CDH12: variants seen among roughly 807,000 people sequenced by gnomAD.
The protein encoded by CDH12 is cadherin 12.
A neutral mutation model predicts 74.1 loss-of-function variants in CDH12; 41 were observed. The ratio of observed to expected loss-of-function variants is 0.55; its 90% CI spans 0.43 to 0.72. The LOEUF is 0.72. CDH12 is among the 30% of genes least tolerant of loss of function. The pLI, the probability that CDH12 is intolerant of heterozygous loss-of-function variation, is 0.00. For synonymous variants in CDH12, 399 were observed against 355.0 expected (o/e 1.12, Z -1.39); for missense variants, 945 against 977.2 (o/e 0.97, Z 0.44).
intron 3 of CDH12, among the ~76,000 whole-genome samples, chr5:22,251,710 C>A (rs1034046627): frequency 6.6e-6 from 1 of 152,110 alleles, no homozygotes; most frequent in African/African-American, 2.4e-5. Flanking sequence ...TATATCCAGT[C>A]CTAAGTGCTC....
intron 3 of CDH12, among the ~76,000 whole-genome samples, chr5:22,254,561 T>C (rs1316383809): frequency 6.6e-6 from 1 of 151,826 alleles, no homozygotes; most frequent in Non-Finnish European, 1.5e-5. Context: ...AACTAATGGG[T>C]ATCAGGTTTA....
intron 3 of CDH12, among the ~76,000 whole-genome samples, chr5:22,348,193 C>A (rs1740204981): frequency 6.6e-6 from 1 of 152,184 alleles, no homozygotes; most frequent in Non-Finnish European, 1.5e-5. Context: ...TCTGGCTGCC[C>A]ATAGCACAGG....
intron 3 of CDH12, among the ~76,000 whole-genome samples, chr5:22,298,412 T>C (rs1020916577): frequency 6.6e-6 from 1 of 152,078 alleles, no homozygotes; most frequent in Non-Finnish European, 1.5e-5. Flanking sequence ...TTTCTATGTA[T>C]ATATCTAAGC....
chr5:22,008,525 G>A (rs572362699), intron 5 of CDH12, among the ~76,000 whole-genome samples: 14 of 152,232 alleles, frequency 9.2e-5, no homozygotes, highest in East Asian at 1.9e-4. Context: ...CACTGCACCC[G>A]ACTTACAAGC....
At chr5:21,987,285 T>C (rs562770545) in intron 5 of CDH12, among the ~76,000 whole-genome samples, 22 of 152,192 alleles carry the variant, frequency 1.4e-4, no homozygotes, top group Non-Finnish European at 2.5e-4. Flanking sequence ...TTTTAATACA[T>C]GCAAAGTATA....
chr5:22,832,995 C>A lies in CDH12; in HGVS notation c.-523+20063G>T, dbSNP rs965376936. ...TTTCATTTTCAAAATTCAAAATTTT[C>A]TCTTAAAATATATATTCCCCAGCCA... On this transcript the variant is annotated intron_variant, in intron 1 of 14. Coordinates refer to ENST00000382254, the MANE Select transcript of CDH12 (RefSeq NM_004061.5). 5.9e-5 allele frequency among the ~76,000 whole-genome samples: 9 copies of A among 152,230 alleles called. No homozygotes were observed. The South Asian group carries it at 1.5e-3, about 25-fold the overall frequency.
At chr5:22,453,465 T>C (rs1306683478) in intron 2 of CDH12, among the ~76,000 whole-genome samples, 1 of 152,118 alleles carries the variant, frequency 6.6e-6, no homozygotes, top group Non-Finnish European at 1.5e-5. Context: ...GACATTATAT[T>C]AAGTGAAATA....
In CDH12 at chr5:21,751,810, C is replaced by A. The variant is rs1178639815; in HGVS notation, c.2312G>T (p.Trp771Leu). 2 of 1,614,054 alleles carry A rather than the reference C, an allele frequency of 1.2e-6. No homozygotes were observed. Among genetic ancestry groups the A allele is most frequent in the Admixed American group, 3.3e-5 (2 of 59,996 alleles). ...ADQDYDYLTDWGPRFKVLADM... is the reference protein window; with the variant it reads ...ADQDYDYLTDLGPRFKVLADM... ...TGCCAAGACTTTAAAGCGGGGTCCC[C>A]AGTCTGTCAGATAGTCATAGTCCTG... is the stretch of plus-strand genomic sequence containing the variant. Residue 771 changes from tryptophan (W) to leucine (L), a missense_variant, in exon 15 of 15, where the codon TGG (tryptophan) becomes TTG (leucine). By Grantham distance (61) the Trp-to-Leu change is moderately conservative (BLOSUM62 -2). This residue lies in a region of CDH12 where 791 missense variants were observed against 792.8 expected (regional missense o/e 1.00). Coordinates refer to ENST00000382254, the MANE Select transcript of CDH12 (RefSeq NM_004061.5).
chr5:21,984,204 T>C (rs10071357), intron 5 of CDH12, among the ~76,000 whole-genome samples: 35,365 of 152,042 alleles, frequency 0.23, 5,762 homozygotes, highest in African/African-American at 0.46. Context: ...AATCAATCAT[T>C]TCTTCTACTT....
intron 3 of CDH12, among the ~76,000 whole-genome samples, chr5:22,349,285 C>T (rs2150462693): frequency 6.6e-6 from 1 of 152,292 alleles, no homozygotes; most frequent in East Asian, 1.9e-4. Flanking sequence ...AGTTTCCCTC[C>T]TCTGGACTGA....
At chr5:21,856,419 T>A (rs1355270147) in intron 6 of CDH12, among the ~76,000 whole-genome samples, 5 of 151,770 alleles carry the variant, frequency 3.3e-5, no homozygotes, top group Non-Finnish European at 7.4e-5. Context: ...TGAAAAACTA[T>A]AAATTGTTCT....
intron 6 of CDH12, among the ~76,000 whole-genome samples, chr5:21,896,864 T>A (rs1753149002): frequency 6.6e-6 from 1 of 152,180 alleles, no homozygotes; most frequent in Non-Finnish European, 1.5e-5. Context: ...CTTATCAGTA[T>A]AATTTGTCTA....
chr5:22,349,339 C>T (rs1170627086), intron 3 of CDH12, among the ~76,000 whole-genome samples: 1 of 152,184 alleles, frequency 6.6e-6, no homozygotes, highest in Non-Finnish European at 1.5e-5. Flanking sequence ...ATGATAATCT[C>T]ATGATAATGA....
intron 4 of CDH12, among the ~76,000 whole-genome samples, chr5:22,177,519 G>T (rs953835456): frequency 3.3e-5 from 5 of 152,114 alleles, no homozygotes; most frequent in African/African-American, 1.2e-4. Context: ...ACTATTCAAA[G>T]AAAATCCATA....
chr5:21,967,514 A>C (rs572192795), intron 6 of CDH12, among the ~76,000 whole-genome samples: 38 of 152,080 alleles, frequency 2.5e-4, no homozygotes, highest in Non-Finnish European at 5.0e-4. Flanking sequence ...CCGAGAAGCA[A>C]CTCCGGCTAA....
At chr5:22,190,569 C>T (rs1750219126) in intron 4 of CDH12, among the ~76,000 whole-genome samples, 1 of 152,172 alleles carries the variant, frequency 6.6e-6, no homozygotes, top group Non-Finnish European at 1.5e-5. Context: ...TCTCCCTTCT[C>T]TTGTCTACAA....
At chr5:22,100,652 G>GACACACACACACACACACACACAC (rs150777646) in intron 4 of CDH12, among the ~76,000 whole-genome samples, 2 of 144,242 alleles carry the variant, frequency 1.4e-5, no homozygotes, top group African/African-American at 5.2e-5. Context: ...CCATACATTA[G>GACACACACACACACACACACACAC]ACACACACAC....
intron 3 of CDH12, among the ~76,000 whole-genome samples, chr5:22,252,124 T>C (rs922935928): frequency 6.6e-6 from 1 of 152,074 alleles, no homozygotes; most frequent in Non-Finnish European, 1.5e-5. Context: ...TGGTTCTCAA[T>C]TGCTGTATAA....
intron 1 of CDH12, among the ~76,000 whole-genome samples, chr5:22,733,903 G>A (rs1032416042): frequency 1.3e-5 from 2 of 151,862 alleles, no homozygotes; most frequent in Middle Eastern, 3.4e-3. Context: ...CAAATAGAGA[G>A]TCTGCCCAGA....
Sources: gnomAD v4.1 joint callset for allele counts (sites outside exome capture counted in the v4.1 genomes callset) on GRCh38, gnomAD v4.1.1 for gene constraint, gnomAD v4.1.1 regional missense constraint, MANE v1.5 for transcripts, NCBI Gene and HGNC (gene_info 2026-07-23, HGNC 2026-07-21) for gene names.